Variants in KLRG1 observed in about 807,000 individuals in gnomAD.
KLRG1 encodes killer cell lectin like receptor G1.
In KLRG1, 16 loss-of-function variants were observed where a neutral mutation model predicts 21.8. The ratio of observed to expected loss-of-function variants is 0.73; its 90% confidence interval spans 0.50 to 1.11. KLRG1 has a LOEUF of 1.11. Ranked by LOEUF, KLRG1 falls within the 50% of genes most tolerant of loss-of-function variation. KLRG1 has a pLI of 0.00. For synonymous variants in KLRG1, 69 were observed against 75.9 expected (o/e 0.91, Z 0.47); for missense variants, 173 against 218.3 (o/e 0.79, Z 1.31).
chr12:9,200,901 C>G, the KLRG1 span: 3 of 1,611,764 alleles, frequency 1.9e-6, no homozygotes, highest in Non-Finnish European at 2.5e-6. Context: ...CCAAATTCCT[C>G]CACGGTGAAG....
At chr12:9,194,564 A>C in the KLRG1 span, among the ~76,000 whole-genome samples, 1 of 146,780 alleles carries the variant, frequency 6.8e-6, no homozygotes, top group Admixed American at 7.1e-5. Flanking sequence ...TCCTGGACTC[A>C]CGCCATTCTC....
the KLRG1 span, chr12:9,077,914 C>T: frequency 1.9e-6 from 3 of 1,605,500 alleles, no homozygotes; most frequent in Non-Finnish European, 2.6e-6. Context: ...TTTATAACCA[C>T]TTCACAGCAA....
chr12:9,028,106 A>G, the KLRG1 span: 1 of 968,872 alleles, frequency 1.0e-6, no homozygotes, highest in East Asian at 2.4e-5. Flanking sequence ...CAATTTTTCC[A>G]AACTGTTCAA....
the KLRG1 span, chr12:9,169,547 G>A: frequency 6.2e-7 from 1 of 1,612,972 alleles, no homozygotes; most frequent in Non-Finnish European, 8.5e-7. Flanking sequence ...GGTCCACATT[G>A]TCAGGAAAAT....
chr12:9,197,560 A>G, the KLRG1 span, among the ~76,000 whole-genome samples: 2 of 115,094 alleles, frequency 1.7e-5, no homozygotes, highest in Admixed American at 2.5e-4. Context: ...AATAATATAT[A>G]ATGTAATATA....
chr12:9,183,905 T>C, the KLRG1 span, among the ~76,000 whole-genome samples: 8,572 of 152,308 alleles, frequency 0.056, 314 homozygotes, highest in Non-Finnish European at 0.078. Flanking sequence ...GGCAGTGTTA[T>C]GCCATTCATA....
the KLRG1 span, chr12:9,098,449 T>TATAA: frequency 0.01 from 3,947 of 381,398 alleles, 160 homozygotes; most frequent in African/African-American, 0.084. Context: ...TATATATATA[T>TATAA]AATTCCTTAC....
chr12:9,009,250 A>G (rs375304587), intron 4 of KLRG1, among the ~76,000 whole-genome samples, 175 bp downstream of exon 4: 1 of 144,340 alleles, frequency 6.9e-6, no homozygotes, highest in Non-Finnish European at 1.6e-5. Context: ...AAAAAAAAAA[A>G]AAAAGGATAA....
At chr12:8,966,524 GGATATGAACA>G (rs1437800756) in intron 1 of KLRG1, among the ~76,000 whole-genome samples, 3 of 152,126 alleles carry the variant, frequency 2.0e-5, no homozygotes, top group Admixed American at 1.3e-4. Context: ...AGTGGGCAAA[GGATATGAACA>G]GACACTTCTC....
the KLRG1 span, among the ~76,000 whole-genome samples, chr12:9,126,545 C>T: frequency 9.2e-5 from 14 of 152,084 alleles, no homozygotes; most frequent in Non-Finnish European, 1.3e-4. Flanking sequence ...TGGAACTTTC[C>T]GACATAGCAA....
chr12:9,200,148 C>A, the KLRG1 span, among the ~76,000 whole-genome samples: 2 of 152,068 alleles, frequency 1.3e-5, no homozygotes, highest in Non-Finnish European at 2.9e-5. Context: ...TATGATGAAA[C>A]AATACGGAAA....
the KLRG1 span, chr12:9,079,324 C>T: frequency 6.2e-7 from 1 of 1,613,568 alleles, no homozygotes; most frequent in Admixed American, 1.7e-5. Flanking sequence ...TCAACTGTCT[C>T]TGGTAACCTG....
chr12:9,095,900 C>T, the KLRG1 span, among the ~76,000 whole-genome samples: 2 of 151,382 alleles, frequency 1.3e-5, no homozygotes, highest in African/African-American at 4.9e-5. Flanking sequence ...GCTGGGACTA[C>T]AGGCGCCCGC....
chr12:8,994,442 G>T (rs970468453), intron 2 of KLRG1, among the ~76,000 whole-genome samples: 2 of 152,106 alleles, frequency 1.3e-5, no homozygotes, highest in African/African-American at 4.8e-5. Flanking sequence ...AAAAGAGCTC[G>T]GTTAGGGCAT....
chr12:9,067,667 A>T, the KLRG1 span: 1 of 736,952 alleles, frequency 1.4e-6, no homozygotes, highest in Non-Finnish European at 2.4e-6. Flanking sequence ...TCATATGGAA[A>T]TGTACAATGA....
At chr12:9,147,293 T>C in the KLRG1 span, among the ~76,000 whole-genome samples, 39 of 152,260 alleles carry the variant, frequency 2.6e-4, no homozygotes, top group Non-Finnish European at 4.4e-4. Context: ...GTCAGAACTC[T>C]ATCACTGGCA....
chr12:9,129,385 T>A, the KLRG1 span, among the ~76,000 whole-genome samples: 2 of 152,110 alleles, frequency 1.3e-5, no homozygotes, highest in Non-Finnish European at 2.9e-5. Context: ...TGTAATTTTT[T>A]AAATTTTTTC....
chr12:9,150,560 A>AG, the KLRG1 span: 1 of 891,300 alleles, frequency 1.1e-6, no homozygotes, highest in Non-Finnish European at 1.8e-6. Context: ...ATGTTGACTA[A>AG]GTGGGCTAAG....
the KLRG1 span, chr12:9,106,156 T>A: frequency 1.2e-6 from 1 of 800,102 alleles, no homozygotes; most frequent in South Asian, 1.9e-5. Context: ...TAACCAGGCA[T>A]GGTTTTAGCA....
Sources: gnomAD v4.1 joint callset for allele counts (sites outside exome capture counted in the v4.1 genomes callset) on GRCh38, gnomAD v4.1.1 for gene constraint, MANE v1.5 for transcripts, NCBI Gene and HGNC (gene_info 2026-07-23, HGNC 2026-07-21) for gene names.